Variants in ACSF3 observed in about 807,000 individuals in gnomAD.
ACSF3 encodes acyl-CoA synthetase family member 3, also known as malonate--CoA ligase ACSF3, mitochondrial.
ACSF3 carries 78 observed loss-of-function variants against 53.2 expected under a neutral mutation model. The ratio of observed to expected loss-of-function variants is 1.47; its 90% confidence interval spans 1.22 to 1.77. The LOEUF is 1.77. Ranked by LOEUF, ACSF3 falls within the 40% of genes most tolerant of loss-of-function variation. The pLI is 0.00. For missense variants in ACSF3, 937 were observed against 771.1 expected, an observed-to-expected ratio of 1.22 and a Z score of -2.55; for synonymous variants, 414 against 333.1, an observed-to-expected ratio of 1.24 and a Z score of -2.65.
intron 4 of ACSF3, among the ~76,000 whole-genome samples, chr16:89,107,098 C>T (rs564623584): frequency 1.1e-4 from 16 of 152,242 alleles, no homozygotes; most frequent in Non-Finnish European, 2.4e-4. Flanking sequence ...AGCAACAGGC[C>T]TGCTCCTGCC....
intron 8 of ACSF3, among the ~76,000 whole-genome samples, chr16:89,143,854 C>T (rs371943901): frequency 6.7e-5 from 10 of 150,232 alleles, no homozygotes; most frequent in South Asian, 2.2e-4. Context: ...CTGAGGAGCA[C>T]GCCATGGGTC....
chr16:89,093,980 C>A lies in ACSF3; in HGVS notation c.-210C>A. On this transcript the variant is annotated 5_prime_UTR_variant, in exon 1 of 11. Coordinates refer to ENST00000614302, the MANE Select transcript of ACSF3 (RefSeq NM_001243279.3). Reference sequence around the variant, plus strand: ...TGGCGAGGCAGATCCTGCCCCGTGGCCGCGGCCGTCTCGTAGGTGCGGGCG... The same window carrying A: ...TGGCGAGGCAGATCCTGCCCCGTGGACGCGGCCGTCTCGTAGGTGCGGGCG... The A allele has an allele frequency of 4.3e-6, 1 of 235,222 alleles. No homozygotes were observed. Among genetic ancestry groups the A allele is most frequent in the South Asian group, 4.1e-5 (1 of 24,522 alleles). 14.6% of individuals were successfully genotyped at this position (235,222 alleles called of 1,614,324 possible). A position where few individuals can be genotyped will look rare whatever the true frequency, so the allele number is the denominator to read the frequency against.
In ACSF3 at chr16:89,154,065, C is replaced by T. The variant is rs72819316; in HGVS notation, c.1614-25C>T. The T allele has an allele frequency of 0.05, 79,687 of 1,607,062 alleles. 2,634 individuals are homozygous for T. The highest frequency in any genetic ancestry group is 0.13 in the East Asian group (5,773 of 44,724). ...TGCTGGGCACTGTCAGGGCAGTGCG[C>T]CTCAGGCTGTGCTTGTCTCTGCAGA... On this transcript the variant is annotated intron_variant, in intron 10 of 10. Transcript: ENST00000614302.
intron 7 of ACSF3, among the ~76,000 whole-genome samples, chr16:89,130,915 G>T (rs914172845): frequency 2.6e-5 from 4 of 151,880 alleles, no homozygotes; most frequent in Non-Finnish European, 1.5e-5. Flanking sequence ...TCAGATTTTG[G>T]GTCATTTCTG....
chr16:89,112,003 A>C (rs1439294838), intron 4 of ACSF3, 89 bp from the exon 5 acceptor site: 10 of 406,254 alleles, frequency 2.5e-5, no homozygotes, highest in Non-Finnish European at 3.5e-5. Flanking sequence ...AATGTGAACC[A>C]TGAGAACGCT....
chr16:89,134,117 T>C (rs1909919761), intron 8 of ACSF3, among the ~76,000 whole-genome samples: 1 of 152,208 alleles, frequency 6.6e-6, no homozygotes. Context: ...GTGGATGTGT[T>C]ACTAGGGGGT....
chr16:89,154,132 G>A lies in ACSF3; in HGVS notation c.1656G>A (p.Leu552=), dbSNP rs1025781878. Residue 552 remains leucine, a synonymous_variant, in exon 11 of 11, where the codon CTG becomes CTA. Transcript: ENST00000614302. ...ACGCGGTGCCCTCGGAGCTGGTGCT[G>A]GTGGAGGAGATCCCGCGGAACCAGA... ...APYAVPSELV[L]VEEIPRNQMG... is the part of the protein sequence containing the mutation. 6 of 1,613,282 alleles carry A rather than the reference G, an allele frequency of 3.7e-6. No individual in the cohort carries two copies. The highest frequency in any genetic ancestry group is 1.3e-5 in the African/African-American group (1 of 74,904).
Position 89,109,425 on chromosome 16 carries a change from T to C in ACSF3, c.823-2667T>C, listed in dbSNP as rs1976424310. 2.3e-5 allele frequency among the ~76,000 whole-genome samples: 3 copies of C among 133,296 alleles called. No homozygotes were observed. In the South Asian group the frequency reaches 7.7e-4, roughly 34 times the overall value. 87.4% of individuals were successfully genotyped at this position (133,296 alleles called of 152,430 possible). On this transcript the variant is annotated intron_variant, in intron 4 of 10. Transcript: ENST00000614302. ...AAGCTTTTTTTTTTTTTTTTTTTTTTTTTTGAGATGGAGTCTCACTCTGTC... is the reference window on the plus strand; with the variant it reads ...AAGCTTTTTTTTTTTTTTTTTTTTTCTTTTGAGATGGAGTCTCACTCTGTC...
intron 7 of ACSF3, among the ~76,000 whole-genome samples, chr16:89,131,483 C>A (rs959612689): frequency 1.3e-5 from 2 of 152,154 alleles, no homozygotes; most frequent in Non-Finnish European, 2.9e-5. Flanking sequence ...CTGTTGTATT[C>A]TTTTTCTATA....
At chr16:89,145,491 C>G in intron 9 of ACSF3, 90 bp downstream of exon 9, 1 of 1,492,870 alleles carries the variant, frequency 6.7e-7, no homozygotes. Flanking sequence ...TGAGTCGACG[C>G]CGTCCCAGCT....
chr16:89,123,612 C>G (rs914863549), intron 7 of ACSF3, among the ~76,000 whole-genome samples: 1 of 152,210 alleles, frequency 6.6e-6, no homozygotes, highest in Non-Finnish European at 1.5e-5. Flanking sequence ...ATGGCCATCC[C>G]TAGGCCTGTG....
chr16:89,143,586 G>T lies in ACSF3; in HGVS notation c.1367-1681G>T, dbSNP rs566280365. Reference sequence around the variant, plus strand: ...TGTCTGGTCCAGAGGGGACACACAAGCCAGGCTGCACAGCAGGAGCAGGAG... The same window carrying T: ...TGTCTGGTCCAGAGGGGACACACAATCCAGGCTGCACAGCAGGAGCAGGAG... On this transcript the variant is annotated intron_variant, in intron 8 of 10. Coordinates refer to ENST00000614302, the MANE Select transcript of ACSF3 (RefSeq NM_001243279.3). 9.1e-4 allele frequency among the ~76,000 whole-genome samples: 139 copies of T among 152,282 alleles called. 2 individuals carry two copies. The highest frequency in any genetic ancestry group is 3.2e-3 in the African/African-American group (132 of 41,546).
Position 89,100,902 on chromosome 16 carries a change from G to T in ACSF3, c.221G>T (p.Arg74Leu), listed in dbSNP as rs750707295. 3 of 1,613,832 alleles carry T rather than the reference G, an allele frequency of 1.9e-6. No homozygotes were observed. The highest frequency in any genetic ancestry group is 1.7e-6 in the Non-Finnish European group (2 of 1,180,044). The change falls in exon 3 of 11, where the codon CGC becomes CTC. Residue 74 changes from arginine to leucine, a missense_variant. Physicochemically the swap from Arg to Leu is moderately radical, Grantham distance 102. Coordinates refer to ENST00000614302, the MANE Select transcript of ACSF3 (RefSeq NM_001243279.3). ...CACACGTACAGGGAGCTTTATTCCC[G>T]CAGCCTTCGCCTGTCCCAGGAGATC... ...GRHTYRELYSRSLRLSQEICR... is the reference protein window; with the variant it reads ...GRHTYRELYSLSLRLSQEICR...
chr16:89,134,502 C>T (rs1910015404), intron 8 of ACSF3, among the ~76,000 whole-genome samples: 1 of 152,176 alleles, frequency 6.6e-6, no homozygotes, highest in Admixed American at 6.5e-5. Context: ...GCAACGGCGG[C>T]AAGCAGCAGT....
chr16:89,145,445 G>A (rs1429195417), intron 9 of ACSF3, 44 bp downstream of exon 9: 5 of 1,609,784 alleles, frequency 3.1e-6, no homozygotes, highest in Non-Finnish European at 4.2e-6. Context: ...CTAGACGGGT[G>A]CTGCCTTCCA....
intron 4 of ACSF3, among the ~76,000 whole-genome samples, chr16:89,110,013 G>T (rs1235062407): frequency 6.6e-6 from 1 of 152,132 alleles, no homozygotes; most frequent in African/African-American, 2.4e-5. Context: ...GTGTATTCCG[G>T]ATACGAGTCT....
At position 89,154,148 on chromosome 16, in the gene ACSF3, C is replaced by T. The variant is rs141090143; in HGVS notation, c.1672C>T (p.Arg558Trp). The change falls in exon 11 of 11, where the codon CGG (arginine) becomes TGG (tryptophan). Residue 558 changes from arginine (R) to tryptophan (W), a missense_variant. Coordinates refer to ENST00000614302, the MANE Select transcript of ACSF3 (RefSeq NM_001243279.3). ...GCTGGTGCTGGTGGAGGAGATCCCG[C>T]GGAACCAGATGGGCAAGATTGACAA... ...SELVLVEEIP[R>W]NQMGKIDKKA... 4.5e-3 allele frequency: 7,287 copies of T among 1,613,416 alleles called. 18 individuals are homozygous for T. The highest frequency in any genetic ancestry group is 5.8e-3 in the Non-Finnish European group (6,822 of 1,179,774).
intron 6 of ACSF3, among the ~76,000 whole-genome samples, chr16:89,119,046 G>C (rs4782443): frequency 0.75 from 112,181 of 150,084 alleles, 42,261 homozygotes; most frequent in Non-Finnish European, 0.79. Context: ...GGGGGCCCCT[G>C]CCTCAAGCTT....
intron 1 of ACSF3, among the ~76,000 whole-genome samples, chr16:89,097,064 T>C (rs1452673051): frequency 2.6e-5 from 4 of 152,278 alleles, no homozygotes; most frequent in Non-Finnish European, 5.9e-5. Context: ...TCCACTCTTA[T>C]TCTTCCGTGG....
Sources: gnomAD v4.1 joint callset for allele counts (sites outside exome capture counted in the v4.1 genomes callset) on GRCh38, gnomAD v4.1.1 for gene constraint, MANE v1.5 for transcripts, NCBI Gene and HGNC (gene_info 2026-07-23, HGNC 2026-07-21) for gene names.